PLCH1: variants seen among roughly 807,000 people sequenced by gnomAD.
The protein encoded by PLCH1 is 1-phosphatidylinositol 4,5-bisphosphate phosphodiesterase eta-1.
In PLCH1, 60 loss-of-function variants were observed where a neutral mutation model predicts 126.7. That is an observed-to-expected ratio of 0.47 (90% CI 0.38 to 0.59). PLCH1 has a LOEUF of 0.59. PLCH1 is among the 20% of genes least tolerant of loss of function. The pLI is 0.00. For missense variants in PLCH1, 1,723 were observed against 2,040.0 expected (o/e 0.84, Z 2.99); for synonymous variants, 719 against 734.9 (o/e 0.98, Z 0.35).
rs141370555 is a variant in PLCH1 at position 155,539,061 on chromosome 3, C to T, written c.1362+10726G>A. On this transcript the variant is annotated intron_variant, in intron 10 of 22. Coordinates refer to ENST00000460012, the MANE Select transcript of PLCH1 (RefSeq NM_014996.4). Reference sequence around the variant, plus strand: ...TATCAAAAAGATAATCCACCGTGATCGAGTGGGTTTCATACCAAGGATGCA... The same window carrying T: ...TATCAAAAAGATAATCCACCGTGATTGAGTGGGTTTCATACCAAGGATGCA... Among the ~76,000 whole-genome samples, 488 of 152,194 alleles carry T rather than the reference C, an allele frequency of 3.2e-3. 3 individuals are homozygous for T. The highest frequency in any genetic ancestry group is 0.029 in the South Asian group (139 of 4,820).
rs1011060867 is a variant in PLCH1, at chr3:155,571,127, T to C, written c.772-2803A>G. On this transcript the variant is annotated intron_variant, in intron 6 of 22. Coordinates refer to ENST00000460012, the MANE Select transcript of PLCH1 (RefSeq NM_014996.4). ...TTCCTGTAAGTTTTTTAGCAAAACT[T>C]TCCCTGTGAATGAAAATTTAAAACA... is the stretch of plus-strand genomic sequence containing the variant. Among the ~76,000 whole-genome samples, 56 of 152,144 alleles carry C rather than the reference T, an allele frequency of 3.7e-4. 1 individual carries two copies. The highest frequency in any genetic ancestry group is 1.4e-3 in the African/African-American group (56 of 41,444).
At chr3:155,495,767 C>T (rs1716947944) in intron 15 of PLCH1, among the ~76,000 whole-genome samples, 1 of 152,086 alleles carries the variant, frequency 6.6e-6, no homozygotes, top group African/African-American at 2.4e-5. Context: ...CAAACTGTGG[C>T]AAAGAAATGA....
intron 1 of PLCH1, among the ~76,000 whole-genome samples, chr3:155,727,127 GTTA>G (rs1326724075): frequency 6.6e-6 from 1 of 151,164 alleles, no homozygotes; most frequent in African/African-American, 2.4e-5. Flanking sequence ...GTTGTATTTG[GTTA>G]TTTTTTAAAT....
chr3:155,743,748 T>C (rs899622704), intron 1 of PLCH1: 4 of 334,830 alleles, frequency 1.2e-5, no homozygotes, highest in African/African-American at 9.0e-5. Flanking sequence ...GTCATAAACA[T>C]GCCAATAAAC....
chr3:155,458,582 GGAAGA>G (rs1560027643), intron 21 of PLCH1, among the ~76,000 whole-genome samples: 3 of 149,040 alleles, frequency 2.0e-5, no homozygotes, highest in African/African-American at 5.1e-5. Context: ...AAGAAAGAAA[GGAAGA>G]AAGAAAGAAA....
intron 21 of PLCH1, among the ~76,000 whole-genome samples, chr3:155,458,274 G>A (rs533446370): frequency 1.4e-4 from 21 of 149,960 alleles, no homozygotes; most frequent in Admixed American, 8.6e-4. Context: ...CCTGGGAGGC[G>A]GAGGTTGCCG....
rs1746959877 is a variant in PLCH1, at chr3:155,709,798, T to G, written c.-40-5534A>C. ...ATGTCTGGCTAATTTTTTGACTTTT[T>G]GCAGAGACAGGGTCCCATTACGTTG... On this transcript the variant is annotated intron_variant, in intron 1 of 22. Transcript: ENST00000460012. Among the ~76,000 whole-genome samples, 3 of 152,124 alleles carry G rather than the reference T, an allele frequency of 2.0e-5. No individual in the cohort carries two copies. The South Asian group carries it at 6.2e-4, about 31-fold the overall frequency.
intron 6 of PLCH1, among the ~76,000 whole-genome samples, 155 bp downstream of exon 6, chr3:155,583,317 A>T (rs1159607421): frequency 6.6e-6 from 1 of 152,094 alleles, no homozygotes; most frequent in African/African-American, 2.4e-5. Flanking sequence ...GCTGCTAGAA[A>T]CTGTTTTAAA....
chr3:155,502,699 AC>A (rs1373337247), intron 13 of PLCH1, among the ~76,000 whole-genome samples: 1 of 152,250 alleles, frequency 6.6e-6, no homozygotes, highest in Non-Finnish European at 1.5e-5. Context: ...TGGTTATCAT[AC>A]CATAGAATCT....
chr3:155,632,530 T>G (rs1738175537), intron 2 of PLCH1, among the ~76,000 whole-genome samples: 1 of 152,206 alleles, frequency 6.6e-6, no homozygotes, highest in Non-Finnish European at 1.5e-5. Flanking sequence ...TCTTCTGTAT[T>G]GAGATGACTA....
At chr3:155,725,032 T>C (rs1369711395) in intron 1 of PLCH1, among the ~76,000 whole-genome samples, 1 of 152,216 alleles carries the variant, frequency 6.6e-6, no homozygotes, top group African/African-American at 2.4e-5. Context: ...CCTTCATTTA[T>C]GAAGCTTAGT....
intron 6 of PLCH1, among the ~76,000 whole-genome samples, chr3:155,575,346 A>C (rs1489805292): frequency 2.0e-5 from 3 of 152,142 alleles, no homozygotes; most frequent in Non-Finnish European, 4.4e-5. Flanking sequence ...TTCTGGATTC[A>C]ATGAAGGGTA....
At chr3:155,638,788 T>C (rs1012042132) in intron 2 of PLCH1, among the ~76,000 whole-genome samples, 1 of 152,224 alleles carries the variant, frequency 6.6e-6, no homozygotes, top group Non-Finnish European at 1.5e-5. Flanking sequence ...ACATGTCTAT[T>C]CTCCTAGTTA....
intron 2 of PLCH1, among the ~76,000 whole-genome samples, chr3:155,664,350 C>T (rs1311756626): frequency 6.6e-6 from 1 of 152,236 alleles, no homozygotes; most frequent in Non-Finnish European, 1.5e-5. Flanking sequence ...TCGGTCAAGA[C>T]TCCCTGAGCA....
intron 2 of PLCH1, among the ~76,000 whole-genome samples, chr3:155,631,556 G>A (rs548254775): frequency 6.6e-6 from 1 of 152,318 alleles, no homozygotes; most frequent in African/African-American, 2.4e-5. Context: ...ATTGTTCACA[G>A]AGGAAAATTA....
intron 22 of PLCH1, 63 bp downstream of exon 22, chr3:155,485,293 G>A (rs2108031271): frequency 9.9e-7 from 1 of 1,011,148 alleles, no homozygotes; most frequent in South Asian, 1.5e-5. Context: ...CTTCATAATG[G>A]TAAACAGGGA....
chr3:155,681,215 T>G (rs1381895792), intron 2 of PLCH1, among the ~76,000 whole-genome samples: 1 of 152,160 alleles, frequency 6.6e-6, no homozygotes, highest in African/African-American at 2.4e-5. Context: ...TGTAGCCAGT[T>G]TAGTAACACT....
At chr3:155,614,612 AAC>A in intron 2 of PLCH1, among the ~76,000 whole-genome samples, 1 of 152,328 alleles carries the variant, frequency 6.6e-6, no homozygotes, top group East Asian at 1.9e-4. Flanking sequence ...CAGAATAGAG[AAC>A]CCAGAAAGAA....
At chr3:155,461,460 G>A (rs1453286087) in intron 21 of PLCH1, among the ~76,000 whole-genome samples, 2 of 152,268 alleles carry the variant, frequency 1.3e-5, no homozygotes, top group African/African-American at 4.8e-5. Flanking sequence ...AGAAGCACAG[G>A]AGCAAACTAT....
Sources: allele counts gnomAD v4.1 joint callset (sites outside exome capture counted in the v4.1 genomes callset), GRCh38; gene constraint gnomAD v4.1.1; transcripts MANE v1.5; gene names NCBI Gene and HGNC (gene_info 2026-07-23, HGNC 2026-07-21).